TECRL: variants seen among roughly 807,000 people sequenced by gnomAD.
The protein encoded by TECRL is trans-2,3-enoyl-CoA reductase like.
In TECRL, 63 loss-of-function variants were observed where a neutral mutation model predicts 52.8. The observed-to-expected ratio is 1.19, with a 90% CI of 0.97 to 1.47. The LOEUF is 1.47. Among genes scored for constraint, TECRL ranks in the 40% most tolerant of loss-of-function variants. The pLI is 0.00. For missense variants in TECRL, 482 were observed against 429.6 expected, an observed-to-expected ratio of 1.12 and a Z score of -1.08; for synonymous variants, 164 against 141.9, an observed-to-expected ratio of 1.16 and a Z score of -1.10.
At chr4:64,404,462 A>T (rs1487526173) in intron 1 of TECRL, among the ~76,000 whole-genome samples, 1 of 152,078 alleles carries the variant, frequency 6.6e-6, no homozygotes, top group East Asian at 1.9e-4. Context: ...TTATATTTTT[A>T]AAATTTATTT....
intron 1 of TECRL, among the ~76,000 whole-genome samples, chr4:64,392,511 A>C (rs756903389): frequency 1.3e-5 from 2 of 151,866 alleles, no homozygotes; most frequent in Non-Finnish European, 2.9e-5. Context: ...CTATGAACTA[A>C]AAGACATTAT....
chr4:64,280,996 A>C, intron 11 of TECRL, 45 bp downstream of exon 11: 1 of 1,428,638 alleles, frequency 7.0e-7, no homozygotes, highest in South Asian at 1.3e-5. Flanking sequence ...ATTTATCTTA[A>C]AGATGCATTT....
At chr4:64,350,047 T>C (rs1419478813) in intron 2 of TECRL, among the ~76,000 whole-genome samples, 1 of 146,888 alleles carries the variant, frequency 6.8e-6, no homozygotes, top group Non-Finnish European at 1.5e-5. Context: ...CTTTTCTGCA[T>C]TTTAACATAA....
chr4:64,381,377 T>A (rs1040489928), intron 1 of TECRL, among the ~76,000 whole-genome samples: 1 of 152,010 alleles, frequency 6.6e-6, no homozygotes, highest in Non-Finnish European at 1.5e-5. Context: ...ATGCCCTTTT[T>A]TTTTTTCTTC....
intron 8 of TECRL, among the ~76,000 whole-genome samples, chr4:64,298,366 T>C (rs1260672162): frequency 6.6e-6 from 1 of 151,158 alleles, no homozygotes; most frequent in Non-Finnish European, 1.5e-5. Context: ...CAAAGTGATA[T>C]GTGAAGACGA....
At chr4:64,280,280 T>G (rs1029560271) in intron 11 of TECRL, 81 bp from the exon 12 acceptor site, 1 of 1,122,892 alleles carries the variant, frequency 8.9e-7, no homozygotes, top group African/African-American at 1.6e-5. Flanking sequence ...CTAGCATGTT[T>G]AGCTTTTAAG....
At chr4:64,369,490 A>C (rs1721838258) in intron 2 of TECRL, among the ~76,000 whole-genome samples, 1 of 152,130 alleles carries the variant, frequency 6.6e-6, no homozygotes, top group South Asian at 2.1e-4. Context: ...AATAAGGATT[A>C]ATAAATAACC....
intron 6 of TECRL, among the ~76,000 whole-genome samples, chr4:64,306,590 G>C (rs151140003): frequency 2.4e-3 from 369 of 152,268 alleles, no homozygotes; most frequent in Non-Finnish European, 3.5e-3. Context: ...TTACTCATCA[G>C]AAGTGTAACC....
intron 5 of TECRL, among the ~76,000 whole-genome samples, chr4:64,313,873 C>A (rs1717264134): frequency 6.7e-6 from 1 of 149,116 alleles, no homozygotes; most frequent in African/African-American, 2.5e-5. Flanking sequence ...GTGGCTCATG[C>A]CTGTAATCCC....
intron 4 of TECRL, among the ~76,000 whole-genome samples, chr4:64,315,339 G>T (rs543479819): frequency 2.0e-5 from 3 of 152,114 alleles, no homozygotes; most frequent in Non-Finnish European, 4.4e-5. Context: ...CTGAGTGGGG[G>T]TAACCATATT....
intron 8 of TECRL, among the ~76,000 whole-genome samples, chr4:64,296,282 G>A (rs959047750): frequency 3.3e-5 from 5 of 151,642 alleles, no homozygotes; most frequent in Admixed American, 1.3e-4. Context: ...TGTTCCCAGC[G>A]CCCTCTTCAC....
intron 2 of TECRL, among the ~76,000 whole-genome samples, chr4:64,352,044 C>T (rs574840511): frequency 2.6e-4 from 40 of 152,232 alleles, no homozygotes; most frequent in African/African-American, 9.4e-4. Context: ...TATCATTTTC[C>T]AATTCTTAAG....
intron 5 of TECRL, among the ~76,000 whole-genome samples, chr4:64,311,815 G>A (rs1041319939): frequency 6.6e-5 from 10 of 152,028 alleles, no homozygotes; most frequent in Non-Finnish European, 4.4e-5. Context: ...ACCATAAATA[G>A]GTGTGAATCC....
At chr4:64,335,454 A>G (rs756089302) in intron 2 of TECRL, among the ~76,000 whole-genome samples, 3 of 152,246 alleles carry the variant, frequency 2.0e-5, no homozygotes, top group Non-Finnish European at 4.4e-5. Context: ...GGTGAGCTAC[A>G]TAATTATTAC....
intron 4 of TECRL, among the ~76,000 whole-genome samples, chr4:64,319,718 T>C (rs1247517161): frequency 6.6e-6 from 1 of 151,860 alleles, no homozygotes; most frequent in Admixed American, 6.6e-5. Flanking sequence ...AAAGAGTAAG[T>C]GGTTAAACAA....
intron 1 of TECRL, among the ~76,000 whole-genome samples, chr4:64,387,546 G>A (rs1337647456): frequency 6.6e-6 from 1 of 152,040 alleles, no homozygotes; most frequent in Non-Finnish European, 1.5e-5. Flanking sequence ...GAGAGTTCCT[G>A]TTTTTCCACA....
intron 2 of TECRL, among the ~76,000 whole-genome samples, chr4:64,373,239 A>G (rs1304962064): frequency 1.3e-5 from 2 of 151,698 alleles, no homozygotes; most frequent in Non-Finnish European, 3.0e-5. Context: ...ATATTAAAAT[A>G]AAGATAATTT....
At chr4:64,296,316 C>T (rs1009995675) in intron 8 of TECRL, among the ~76,000 whole-genome samples, 3 of 151,720 alleles carry the variant, frequency 2.0e-5, no homozygotes, top group African/African-American at 4.8e-5. Context: ...CTTCTGTACC[C>T]GAGGTTCTTT....
chr4:64,335,326 A>G (rs569570673), intron 2 of TECRL, among the ~76,000 whole-genome samples: 92 of 152,328 alleles, frequency 6.0e-4, no homozygotes, highest in African/African-American at 2.2e-3. Flanking sequence ...TGAGGAATCT[A>G]GGTTGCATGC....
Sources: gnomAD v4.1 joint callset for allele counts (sites outside exome capture counted in the v4.1 genomes callset) on GRCh38, gnomAD v4.1.1 for gene constraint, MANE v1.5 for transcripts, NCBI Gene and HGNC (gene_info 2026-07-23, HGNC 2026-07-21) for gene names.